The following KHK variants were observed in gnomAD, a reference collection of about 807,000 sequenced individuals.
KHK encodes the protein ketohexokinase, also known as fructokinase.
In KHK, 37 loss-of-function variants were observed where a neutral mutation model predicts 36.0. That is an observed-to-expected ratio of 1.03 (90% CI 0.79 to 1.35). The LOEUF (loss-of-function observed/expected upper bound fraction) is 1.35, where lower values mean the gene tolerates loss of function less well. KHK is among the 40% of genes most tolerant of loss of function. The pLI, the probability that KHK is intolerant of heterozygous loss-of-function variation, is 0.00. For synonymous variants in KHK, 161 were observed against 162.8 expected, an observed-to-expected ratio of 0.99 and a Z score of 0.08; for missense variants, 395 against 391.9, an observed-to-expected ratio of 1.01 and a Z score of -0.07.
In KHK at chr2:27,100,077, C is replaced by T. The variant is rs1256636306; in HGVS notation, c.*327C>T. The T allele has an allele frequency of 1.7e-6, 1 of 604,654 alleles. No homozygotes were observed. Among genetic ancestry groups the T allele is most frequent in the East Asian group, 2.8e-5 (1 of 35,588 alleles). 37.5% of individuals were successfully genotyped at this position (604,654 alleles called of 1,614,324 possible). A position where few individuals can be genotyped will look rare whatever the true frequency, so the allele number is the denominator to read the frequency against. ...CCCCAAATTAACCTCTCCGCCCAGG[C>T]CCAGAGGAGGGGCTGCCTGGGCTAG... On this transcript the variant is annotated 3_prime_UTR_variant, in exon 8 of 8. Transcript: ENST00000260598.
intron 1 of KHK, among the ~76,000 whole-genome samples, chr2:27,089,359 C>T (rs1248371025): frequency 6.6e-6 from 1 of 152,160 alleles, no homozygotes; most frequent in Non-Finnish European, 1.5e-5. Flanking sequence ...GTCGAGGCAG[C>T]CACAGGACAT....
chr2:27,099,636 G>T (rs1005052731), intron 7 of KHK, 29 bp from the exon 8 acceptor site: 2 of 1,614,008 alleles, frequency 1.2e-6, no homozygotes, highest in Non-Finnish European at 1.7e-6. Flanking sequence ...CAAACACCTG[G>T]CTGACCTAGC....
chr2:27,089,517 G>C (rs1202230095), intron 1 of KHK, among the ~76,000 whole-genome samples: 1 of 152,192 alleles, frequency 6.6e-6, no homozygotes, highest in East Asian at 1.9e-4. Context: ...GCTTAATTCT[G>C]TCGGGAAGGT....
At position 27,094,675 on chromosome 2, in the gene KHK, C is replaced by T. The variant is rs1670225939; in HGVS notation, c.210-125C>T. On this transcript the variant is annotated intron_variant, in intron 2 of 7. Coordinates refer to ENST00000260598, the MANE Select transcript of KHK (RefSeq NM_006488.3). The stretch of plus-strand genomic sequence containing the variant: ...CGCCACCAAAACTCCCAGAACAGGA[C>T]TCTTCTTCTCTTAGAGGCTCGTGTG... 4.3e-6 allele frequency: 7 copies of T among 1,613,368 alleles called. No homozygotes were observed. In the South Asian group the frequency reaches 6.6e-5, roughly 15 times the overall value.
intron 2 of KHK, chr2:27,094,493 C>T (rs1473802896): frequency 6.2e-6 from 10 of 1,613,924 alleles, no homozygotes; most frequent in Non-Finnish European, 6.8e-6. Context: ...CCTGGATGAC[C>T]TCCGCCGCTA....
At position 27,096,855 on chromosome 2, in the gene KHK, C is replaced by T. The variant is rs62128661; in HGVS notation, c.417+54C>T. 3,598 of 1,269,328 alleles carry T rather than the reference C, an allele frequency of 2.8e-3. 8 individuals carry two copies. Among genetic ancestry groups the T allele is most frequent in the Middle Eastern group, 3.7e-3 (20 of 5,374 alleles). The allele number at this position is 1,269,328 out of a possible 1,614,324, so 78.6% of individuals were successfully genotyped here. A position where few individuals can be genotyped will look rare whatever the true frequency, so the allele number is the denominator to read the frequency against. On this transcript the variant is annotated intron_variant, in intron 4 of 7. Transcript: ENST00000260598. ...GGGCTCAACCTGCCAGCCTCCTCCA[C>T]ATGTTCTGCCTCCTTGGTTTCTTTG...
intron 1 of KHK, among the ~76,000 whole-genome samples, chr2:27,090,094 C>T (rs1171370111): frequency 2.6e-5 from 4 of 152,214 alleles, no homozygotes; most frequent in South Asian, 2.1e-4. Flanking sequence ...TCAGGCGATC[C>T]GCCTGCCTCA....
intron 3 of KHK, among the ~76,000 whole-genome samples, chr2:27,096,372 C>T (rs973312917): frequency 1.3e-5 from 2 of 152,146 alleles, no homozygotes; most frequent in Admixed American, 6.5e-5. Flanking sequence ...TCCCAGGGCT[C>T]TGCCTGTGGG....
intron 1 of KHK, among the ~76,000 whole-genome samples, chr2:27,090,220 A>C (rs1169637386): frequency 1.3e-5 from 2 of 152,198 alleles, no homozygotes; most frequent in Non-Finnish European, 2.9e-5. Context: ...GTAAAATTCT[A>C]TATCCTTTCT....
Position 27,087,266 on chromosome 2 carries a change from GA to G in KHK, c.8del (p.Glu3GlyfsTer9), listed in dbSNP as rs1174143177. ME[E>X]KQILCVGLVV... The stretch of plus-strand genomic sequence containing the variant: ...AAGCTCTGGGAGTAGCCTCATGGAA[GA>G]GAAGCAGATCCTGTGCGTGGGGCTA... On this transcript the variant is annotated frameshift_variant, in exon 1 of 8. Transcript: ENST00000260598. LOFTEE classifies it high-confidence loss of function. The G allele has an allele frequency of 1.3e-5, 21 of 1,591,702 alleles. No homozygotes were observed. The highest frequency in any genetic ancestry group is 5.4e-5 in the African/African-American group (4 of 74,556).
Position 27,100,131 on chromosome 2 carries a change from C to A in KHK, c.*381C>A. The stretch of plus-strand genomic sequence containing the variant: ...AGCGAGAAGTGCCCTGGGCTTGCCA[C>A]CAGCTCTGCCCTGGCTGGGGAGGAC... On this transcript the variant is annotated 3_prime_UTR_variant, in exon 8 of 8. Transcript: ENST00000260598. The A allele has an allele frequency of 1.9e-6, 1 of 537,140 alleles. No homozygotes were observed. The allele number at this position is 537,140 out of a possible 1,614,324, so 33.3% of individuals were successfully genotyped here. A position where few individuals can be genotyped will look rare whatever the true frequency, so the allele number is the denominator to read the frequency against.
In KHK at chr2:27,087,033, G is replaced by A. The variant is rs965972371; in HGVS notation, c.-227G>A. The A allele has an allele frequency of 2.7e-5, 13 of 474,022 alleles. No individual in the cohort carries two copies. Among genetic ancestry groups the A allele is most frequent in the Admixed American group, 1.0e-4 (3 of 28,608 alleles). The allele number at this position is 474,022 out of a possible 1,614,324, so 29.4% of individuals were successfully genotyped here. On this transcript the variant is annotated 5_prime_UTR_variant, in exon 1 of 8. Coordinates refer to ENST00000260598, the MANE Select transcript of KHK (RefSeq NM_006488.3). ...GAAGACCGGGGACCAAGACCTCTGG[G>A]TTGGCTTTCCTAGACCCGCTCGGGT... is the stretch of plus-strand genomic sequence containing the variant.
intron 6 of KHK, 46 bp from the exon 7 acceptor site, chr2:27,099,374 G>C: frequency 6.2e-7 from 1 of 1,612,404 alleles, no homozygotes; most frequent in Non-Finnish European, 8.5e-7. Context: ...GGATGGCTGG[G>C]GGGACGGGGT....
intron 1 of KHK, among the ~76,000 whole-genome samples, chr2:27,090,131 C>T (rs563754418): frequency 2.0e-4 from 30 of 152,362 alleles, no homozygotes; most frequent in South Asian, 8.3e-4. Context: ...GGATTACAGG[C>T]GTGAGCCACC....
At chr2:27,095,022 GCCC>G in intron 3 of KHK, 88 bp downstream of exon 3, 1 of 1,472,292 alleles carries the variant, frequency 6.8e-7, no homozygotes, top group African/African-American at 1.4e-5. Context: ...CATCCCAACT[GCCC>G]CCCTCTGTGG....
Position 27,100,188 on chromosome 2 carries a change from A to C in KHK, c.*438A>C. On this transcript the variant is annotated 3_prime_UTR_variant, in exon 8 of 8. Coordinates refer to ENST00000260598, the MANE Select transcript of KHK (RefSeq NM_006488.3). ...TGCCCCACACCCAGTGAACCTGCCA[A>C]AGAAACCGTGAGAGCTCTTCGGGGC... is the stretch of plus-strand genomic sequence containing the variant. The C allele has an allele frequency of 2.2e-6, 1 of 449,258 alleles. No individual in the cohort carries two copies. The highest frequency in any genetic ancestry group is 4.1e-6 in the Non-Finnish European group (1 of 243,074). The allele number at this position is 449,258 out of a possible 1,614,324, so 27.8% of individuals were successfully genotyped here. A position where few individuals can be genotyped will look rare whatever the true frequency, so the allele number is the denominator to read the frequency against.
At position 27,099,590 on chromosome 2, in the gene KHK, G is replaced by C. The variant is rs760617762; in HGVS notation, c.811+13G>C. 1 of 1,614,156 alleles carries C rather than the reference G, an allele frequency of 6.2e-7. No individual in the cohort carries two copies. The highest frequency in any genetic ancestry group is 8.5e-7 in the Non-Finnish European group (1 of 1,180,028). On this transcript the variant is annotated intron_variant, in intron 7 of 7. Coordinates refer to ENST00000260598, the MANE Select transcript of KHK (RefSeq NM_006488.3). ...AGCCTCTCCCAGGGTGAGTATGGCA[G>C]CAGGAGGGGAAAAGGACTGGGACCT...
At chr2:27,090,748 C>T (rs981090388) in intron 1 of KHK, among the ~76,000 whole-genome samples, 1 of 151,672 alleles carries the variant, frequency 6.6e-6, no homozygotes, top group Non-Finnish European at 1.5e-5. Context: ...CCACTGCGCC[C>T]GGCCAGCTTG....
chr2:27,096,101 A>T (rs549636167), intron 3 of KHK, among the ~76,000 whole-genome samples: 120 of 152,246 alleles, frequency 7.9e-4, no homozygotes, highest in Non-Finnish European at 1.4e-3. Flanking sequence ...AAGTGGAAGG[A>T]CTCGGCTACA....
Sources: gnomAD v4.1 joint callset for allele counts (sites outside exome capture counted in the v4.1 genomes callset) on GRCh38, gnomAD v4.1.1 for gene constraint, MANE v1.5 for transcripts, NCBI Gene and HGNC (gene_info 2026-07-23, HGNC 2026-07-21) for gene names.